EPHA6: variants seen among roughly 807,000 people sequenced by gnomAD.
EPHA6 encodes EPH receptor A6.
A neutral mutation model predicts 112.0 loss-of-function variants in EPHA6; 50 were observed. That is an observed-to-expected ratio of 0.45 (90% CI 0.36 to 0.56). The LOEUF (loss-of-function observed/expected upper bound fraction) is 0.56. Among genes scored for constraint, EPHA6 ranks in the 20% least tolerant of loss-of-function variants. The pLI is 0.00. For missense variants in EPHA6, 1,280 were observed against 1,417.4 expected, an observed-to-expected ratio of 0.90 and a Z score of 1.56; for synonymous variants, 529 against 490.7, an observed-to-expected ratio of 1.08 and a Z score of -1.03.
At chr3:97,673,820 G>A (rs1560254198) in intron 14 of EPHA6, among the ~76,000 whole-genome samples, 1 of 152,196 alleles carries the variant, frequency 6.6e-6, no homozygotes, top group Non-Finnish European at 1.5e-5. Context: ...GCCAGCTTTA[G>A]CCTGTGATGT....
intron 14 of EPHA6, among the ~76,000 whole-genome samples, chr3:97,687,458 T>C (rs545516483): frequency 5.3e-5 from 8 of 152,288 alleles, no homozygotes; most frequent in African/African-American, 1.9e-4. Context: ...TTTTTTTTCA[T>C]TGGAAATTGT....
At chr3:97,733,174 C>G (rs1481120722) in intron 15 of EPHA6, among the ~76,000 whole-genome samples, 1 of 152,050 alleles carries the variant, frequency 6.6e-6, no homozygotes, top group Non-Finnish European at 1.5e-5. Context: ...TGCCAACTGT[C>G]TACAGGAGTT....
chr3:97,079,633 G>C (rs2046655414), intron 3 of EPHA6, among the ~76,000 whole-genome samples: 1 of 147,962 alleles, frequency 6.8e-6, no homozygotes, highest in South Asian at 2.1e-4. Context: ...AGCAACCACA[G>C]GGTTTGAGAG....
intron 11 of EPHA6, among the ~76,000 whole-genome samples, chr3:97,580,347 A>T (rs74549512): frequency 6.6e-6 from 1 of 152,248 alleles, no homozygotes; most frequent in African/African-American, 2.4e-5. Context: ...TTAAAATTAA[A>T]TTAAAAGCAT....
intron 6 of EPHA6, among the ~76,000 whole-genome samples, chr3:97,424,499 G>A (rs763688276): frequency 1.1e-4 from 16 of 152,028 alleles, no homozygotes; most frequent in African/African-American, 2.7e-4. Context: ...GCCTATGAGC[G>A]TGAAAAATCA....
chr3:97,123,334 C>T (rs1478824434), intron 3 of EPHA6, among the ~76,000 whole-genome samples: 4 of 152,004 alleles, frequency 2.6e-5, no homozygotes, highest in Non-Finnish European at 5.9e-5. Context: ...AGTTTCTCGC[C>T]TTTTTTGTTC....
chr3:97,641,796 C>A (rs552495040), intron 14 of EPHA6, among the ~76,000 whole-genome samples: 3 of 152,310 alleles, frequency 2.0e-5, no homozygotes, highest in Non-Finnish European at 4.4e-5. Context: ...CCTATGCCCA[C>A]GGAGTCTCGC....
chr3:97,310,076 G>C (rs911590053), intron 5 of EPHA6, among the ~76,000 whole-genome samples: 4 of 151,244 alleles, frequency 2.6e-5, no homozygotes, highest in African/African-American at 9.7e-5. Flanking sequence ...TAACTCTTTT[G>C]GTTAAAAGAC....
intron 3 of EPHA6, among the ~76,000 whole-genome samples, chr3:97,223,675 T>C (rs1462883865): frequency 6.6e-6 from 1 of 152,192 alleles, no homozygotes; most frequent in Non-Finnish European, 1.5e-5. Flanking sequence ...TACAGTCTTA[T>C]ACATGTTTTA....
intron 6 of EPHA6, among the ~76,000 whole-genome samples, chr3:97,429,228 T>C (rs1212207394): frequency 1.3e-5 from 2 of 152,180 alleles, no homozygotes; most frequent in Admixed American, 1.3e-4. Context: ...TATAGAAACA[T>C]AAATTTGGGC....
intron 5 of EPHA6, among the ~76,000 whole-genome samples, chr3:97,318,999 T>C (rs2081976605): frequency 6.6e-6 from 1 of 151,926 alleles, no homozygotes; most frequent in African/African-American, 2.4e-5. Context: ...CTTCAGTAAG[T>C]TGTATGATTT....
At chr3:97,305,261 A>G (rs1044689430) in intron 5 of EPHA6, among the ~76,000 whole-genome samples, 2 of 152,070 alleles carry the variant, frequency 1.3e-5, no homozygotes, top group African/African-American at 2.4e-5. Flanking sequence ...AGAAATAGGA[A>G]CAGTTTTACA....
chr3:97,019,330 G>A (rs925651908), intron 3 of EPHA6, among the ~76,000 whole-genome samples: 5 of 152,006 alleles, frequency 3.3e-5, no homozygotes, highest in African/African-American at 4.8e-5. Flanking sequence ...GCTTCTTTCT[G>A]TGGCCTTGGG....
At chr3:96,970,792 G>A (rs189829851) in intron 2 of EPHA6, among the ~76,000 whole-genome samples, 3 of 152,096 alleles carry the variant, frequency 2.0e-5, no homozygotes, top group Admixed American at 2.0e-4. Flanking sequence ...CATACTTTTG[G>A]TGTTAATTCT....
In EPHA6 at chr3:97,592,602, C is replaced by G; in HGVS notation, c.2387-10C>G. The G allele has an allele frequency of 6.2e-7, 1 of 1,612,714 alleles. No individual in the cohort carries two copies. Among genetic ancestry groups the G allele is most frequent in the Non-Finnish European group, 8.5e-7 (1 of 1,179,326 alleles). ...GACTTTGATTAATGTCAATTTTTAT[C>G]TCTTAAAAGGATCCTTCCCGGCCAT... On this transcript the variant is annotated splice_polypyrimidine_tract_variant and intron_variant, in intron 11 of 17. Coordinates refer to ENST00000389672, the MANE Select transcript of EPHA6 (RefSeq NM_001080448.3).
intron 14 of EPHA6, among the ~76,000 whole-genome samples, chr3:97,666,151 C>A (rs2030081672): frequency 6.6e-6 from 1 of 151,774 alleles, no homozygotes; most frequent in African/African-American, 2.4e-5. Flanking sequence ...AACACATTTT[C>A]CCCCCTTGTT....
At chr3:97,734,136 G>A (rs940547398) in intron 15 of EPHA6, among the ~76,000 whole-genome samples, 1 of 152,022 alleles carries the variant, frequency 6.6e-6, no homozygotes, top group Non-Finnish European at 1.5e-5. Flanking sequence ...TATGCAAAGT[G>A]CATAGCACAT....
intron 10 of EPHA6, among the ~76,000 whole-genome samples, chr3:97,523,025 T>G (rs544695143): frequency 4.6e-5 from 7 of 152,230 alleles, no homozygotes; most frequent in Admixed American, 3.3e-4. Context: ...AATCTCTACT[T>G]TATTTACTTC....
intron 11 of EPHA6, among the ~76,000 whole-genome samples, chr3:97,591,655 A>G (rs1042629784): frequency 5.9e-5 from 9 of 152,212 alleles, no homozygotes; most frequent in Admixed American, 4.6e-4. Context: ...CTGCAAGTGT[A>G]TTAAATTTTC....
Sources: gnomAD v4.1 joint callset for allele counts (sites outside exome capture counted in the v4.1 genomes callset) on GRCh38, gnomAD v4.1.1 for gene constraint, MANE v1.5 for transcripts, NCBI Gene and HGNC (gene_info 2026-07-23, HGNC 2026-07-21) for gene names.